The following WDPCP variants were observed in gnomAD, a reference collection of about 807,000 sequenced individuals.
WDPCP encodes the protein WD repeat containing planar cell polarity effector.
WDPCP carries 71 observed loss-of-function variants against 93.1 expected under a neutral mutation model. The observed-to-expected ratio is 0.76, with a 90% CI of 0.63 to 0.93. WDPCP has a LOEUF of 0.93. WDPCP is among the 40% of genes least tolerant of loss of function. The pLI, the probability that WDPCP is intolerant of heterozygous loss-of-function variation, is 0.00. For missense variants in WDPCP, 844 were observed against 887.4 expected, an observed-to-expected ratio of 0.95 and a Z score of 0.62; for synonymous variants, 315 against 315.0, an observed-to-expected ratio of 1.00 and a Z score of 0.00.
intron 3 of WDPCP, among the ~76,000 whole-genome samples, chr2:63,595,874 G>T (rs1462006132): frequency 6.6e-6 from 1 of 152,140 alleles, no homozygotes; most frequent in Non-Finnish European, 1.5e-5. Flanking sequence ...TATGGAGTCT[G>T]CTTAACTGGT....
intron 9 of WDPCP, among the ~76,000 whole-genome samples, chr2:63,416,812 A>G (rs1695466441): frequency 6.6e-6 from 1 of 152,180 alleles, no homozygotes; most frequent in Non-Finnish European, 1.5e-5. Flanking sequence ...GTAGGCCACC[A>G]CACCTGGCCC....
At chr2:63,537,501 T>C (rs1337856592) in intron 1 of WDPCP, among the ~76,000 whole-genome samples, 1 of 152,228 alleles carries the variant, frequency 6.6e-6, no homozygotes, top group Non-Finnish European at 1.5e-5. Context: ...ATGCATGAAA[T>C]GATCCTTACT....
chr2:63,773,596 T>C (rs1324544407), intron 2 of WDPCP, among the ~76,000 whole-genome samples: 3 of 152,074 alleles, frequency 2.0e-5, no homozygotes, highest in Non-Finnish European at 2.9e-5. Flanking sequence ...TATATTATAC[T>C]TCAATAAAAT....
chr2:63,364,887 G>A (rs546145249), intron 12 of WDPCP, among the ~76,000 whole-genome samples: 1 of 152,052 alleles, frequency 6.6e-6, no homozygotes, highest in African/African-American at 2.4e-5. Context: ...TATGTAAAGG[G>A]CCAAACAGTA....
At chr2:63,607,903 T>G (rs958696152) in intron 3 of WDPCP, among the ~76,000 whole-genome samples, 26 of 151,584 alleles carry the variant, frequency 1.7e-4, no homozygotes, top group Admixed American at 9.8e-4. Context: ...GAGATAGATA[T>G]ATATACATTT....
intron 3 of WDPCP, among the ~76,000 whole-genome samples, chr2:63,627,013 T>TAAC (rs749257676): frequency 2.6e-5 from 4 of 151,088 alleles, no homozygotes; most frequent in East Asian, 3.9e-4. Flanking sequence ...AATATATAAA[T>TAAC]AACAACAACA....
At chr2:63,601,917 G>C (rs1349557253) in intron 3 of WDPCP, among the ~76,000 whole-genome samples, 1 of 152,146 alleles carries the variant, frequency 6.6e-6, no homozygotes, top group Non-Finnish European at 1.5e-5. Context: ...TATAAGAGCA[G>C]TTTCTTCCCC....
At chr2:63,577,760 T>G (rs543278318) in intron 1 of WDPCP, among the ~76,000 whole-genome samples, 2 of 152,170 alleles carry the variant, frequency 1.3e-5, no homozygotes, top group African/African-American at 2.4e-5. Flanking sequence ...TACTGAATAT[T>G]TGAACAGCAA....
At chr2:63,543,258 C>G (rs903560725) in intron 1 of WDPCP, among the ~76,000 whole-genome samples, 2 of 151,986 alleles carry the variant, frequency 1.3e-5, no homozygotes, top group Non-Finnish European at 2.9e-5. Context: ...ATAACATATA[C>G]GAATACACAT....
chr2:63,485,863 G>A (rs546964117), intron 4 of WDPCP, among the ~76,000 whole-genome samples: 79 of 151,762 alleles, frequency 5.2e-4, no homozygotes, highest in African/African-American at 1.9e-3. Context: ...TTTAAGAGTA[G>A]AATTGCTATA....
intron 2 of WDPCP, among the ~76,000 whole-genome samples, chr2:63,671,671 C>T (rs1710349769): frequency 6.6e-6 from 1 of 152,106 alleles, no homozygotes; most frequent in Non-Finnish European, 1.5e-5. Context: ...CTTCAGCCTC[C>T]CTAGTAGCTG....
chr2:63,741,979 T>C (rs1669724569), intron 2 of WDPCP, among the ~76,000 whole-genome samples: 2 of 152,122 alleles, frequency 1.3e-5, no homozygotes, highest in Non-Finnish European at 2.9e-5. Flanking sequence ...GAAAACTGAA[T>C]GATATGGATT....
intron 12 of WDPCP, among the ~76,000 whole-genome samples, chr2:63,323,982 T>G (rs1687328977): frequency 6.6e-6 from 1 of 151,920 alleles, no homozygotes; most frequent in Non-Finnish European, 1.5e-5. Context: ...CACTCAGGCA[T>G]CAACAGGCTC....
intron 4 of WDPCP, 27 bp downstream of exon 4, chr2:63,486,515 A>C (rs746959766): frequency 7.8e-6 from 12 of 1,546,984 alleles, no homozygotes; most frequent in Middle Eastern, 3.7e-4. Flanking sequence ...TTTTATAATA[A>C]TTCCAAAAAA....
chr2:63,838,686 C>T, the WDPCP span, among the ~76,000 whole-genome samples: 1 of 151,994 alleles, frequency 6.6e-6, no homozygotes, highest in Non-Finnish European at 1.5e-5. Context: ...AGAGTAGTAT[C>T]TTATGAAAAA....
chr2:63,780,104 C>T (rs1465195103), intron 2 of WDPCP, among the ~76,000 whole-genome samples: 1 of 152,124 alleles, frequency 6.6e-6, no homozygotes, highest in Non-Finnish European at 1.5e-5. Context: ...TTGTAAACTC[C>T]CAGCAATCTA....
intron 12 of WDPCP, among the ~76,000 whole-genome samples, chr2:63,322,598 C>G (rs893092059): frequency 6.6e-6 from 1 of 152,036 alleles, no homozygotes; most frequent in Non-Finnish European, 1.5e-5. Context: ...CTGAAGTCAG[C>G]GAGACCATGA....
intron 17 of WDPCP, among the ~76,000 whole-genome samples, chr2:63,130,468 A>G (rs777012717): frequency 3.4e-4 from 51 of 152,058 alleles, no homozygotes; most frequent in Non-Finnish European, 1.9e-4. Context: ...CCATGGTTCT[A>G]TATGTCTGTC....
At chr2:63,589,175 G>T, upstream of WDPCP, 1 of 1,609,378 alleles carries the variant, frequency 6.2e-7, no homozygotes, top group Non-Finnish European at 8.5e-7. Context: ...GGCAAGCTCG[G>T]ACTCATCTTC....
Sources: gnomAD v4.1 joint callset for allele counts (sites outside exome capture counted in the v4.1 genomes callset) on GRCh38, gnomAD v4.1.1 for gene constraint, MANE v1.5 for transcripts, NCBI Gene and HGNC (gene_info 2026-07-23, HGNC 2026-07-21) for gene names.